Variants in GPC6 observed in about 807,000 individuals in gnomAD.
GPC6 encodes glypican-6.
Under a neutral mutation model 55.2 loss-of-function variants are expected in GPC6, and 14 were observed. That is an observed-to-expected ratio of 0.25 (90% confidence interval 0.17 to 0.40). The LOEUF is 0.40. Ranked by LOEUF, GPC6 falls within the 10% of genes least tolerant of loss-of-function variation. The pLI is 1.00. For synonymous variants in GPC6, 278 were observed against 259.6 expected, an observed-to-expected ratio of 1.07 and a Z score of -0.68; for missense variants, 641 against 708.5, an observed-to-expected ratio of 0.90 and a Z score of 1.08.
In GPC6 at chr13:93,775,869, A is replaced by G. The variant is rs181514820; in HGVS notation, c.320-54285A>G. Among the ~76,000 whole-genome samples, 115 of 152,294 alleles carry G rather than the reference A, an allele frequency of 7.6e-4. No homozygotes were observed. In the Middle Eastern group the frequency reaches 0.014, roughly 18 times the overall value. ...CTTAGAGATATAGTGCTGTCAGAAA[A>G]TAATTCTCTGAAAAGTCACAAAATT... On this transcript the variant is annotated intron_variant, in intron 2 of 8. Coordinates refer to ENST00000377047, the MANE Select transcript of GPC6 (RefSeq NM_005708.5).
At chr13:93,415,174 G>A (rs1876651953) in intron 1 of GPC6, among the ~76,000 whole-genome samples, 1 of 152,036 alleles carries the variant, frequency 6.6e-6, no homozygotes, top group Non-Finnish European at 1.5e-5. Context: ...TGTACAGTGG[G>A]GATTATAATG....
intron 4 of GPC6, among the ~76,000 whole-genome samples, chr13:94,136,492 C>T (rs1258305338): frequency 6.6e-6 from 1 of 152,146 alleles, no homozygotes; most frequent in African/African-American, 2.4e-5. Flanking sequence ...AGGCAGATCA[C>T]GAGGTCAGGA....
At chr13:94,249,276 A>G (rs764431319) in intron 4 of GPC6, among the ~76,000 whole-genome samples, 3 of 152,176 alleles carry the variant, frequency 2.0e-5, no homozygotes, top group Non-Finnish European at 2.9e-5. Context: ...TGATAACAAT[A>G]GAGTGTAATC....
At chr13:93,816,347 C>T (rs1371121256) in intron 2 of GPC6, among the ~76,000 whole-genome samples, 2 of 152,138 alleles carry the variant, frequency 1.3e-5, no homozygotes, top group Non-Finnish European at 2.9e-5. Context: ...ATTTTATAGA[C>T]AGCACGCTGT....
At chr13:94,045,281 G>C (rs1394779594) in intron 4 of GPC6, among the ~76,000 whole-genome samples, 1 of 151,748 alleles carries the variant, frequency 6.6e-6, no homozygotes, top group Non-Finnish European at 1.5e-5. Flanking sequence ...AAGCAAGTAG[G>C]ATATTGAAAA....
intron 2 of GPC6, among the ~76,000 whole-genome samples, chr13:93,625,694 CAAA>C (rs2139563780): frequency 6.6e-6 from 1 of 152,290 alleles, no homozygotes; most frequent in East Asian, 1.9e-4. Context: ...GGCCCCAGGC[CAAA>C]ATGCTTGGGA....
chr13:94,132,182 A>G (rs752080725), intron 4 of GPC6, among the ~76,000 whole-genome samples: 3 of 152,180 alleles, frequency 2.0e-5, no homozygotes, highest in Non-Finnish European at 4.4e-5. Context: ...GAGCAAAGCT[A>G]CCACAGAATT....
At chr13:94,266,160 T>TTGTTTG (rs548781072) in intron 4 of GPC6, among the ~76,000 whole-genome samples, 30 of 148,114 alleles carry the variant, frequency 2.0e-4, no homozygotes, top group African/African-American at 5.3e-4. Flanking sequence ...TCTTTTTTTT[T>TTGTTTG]TTTGTTTGTT....
At chr13:93,978,922 A>G (rs150164100) in intron 3 of GPC6, among the ~76,000 whole-genome samples, 2 of 152,328 alleles carry the variant, frequency 1.3e-5, no homozygotes, top group African/African-American at 2.4e-5. Context: ...ACAGTGCCCT[A>G]TGAATAATGG....
intron 1 of GPC6, among the ~76,000 whole-genome samples, chr13:93,286,995 G>A (rs1878151037): frequency 6.6e-6 from 1 of 152,010 alleles, no homozygotes; most frequent in African/African-American, 2.4e-5. Context: ...CACAAACGTT[G>A]TTTCATGCAC....
chr13:93,746,744 C>T (rs1884412992), intron 2 of GPC6, among the ~76,000 whole-genome samples: 1 of 152,152 alleles, frequency 6.6e-6, no homozygotes, highest in African/African-American at 2.4e-5. Flanking sequence ...CACAACCAAA[C>T]TCATTTAACC....
intron 3 of GPC6, among the ~76,000 whole-genome samples, chr13:93,940,056 C>G (rs1259133690): frequency 6.6e-6 from 1 of 151,960 alleles, no homozygotes; most frequent in East Asian, 1.9e-4. Context: ...GTCTTTAATC[C>G]TTATTCTGAG....
At chr13:93,341,013 A>G (rs574010376) in intron 1 of GPC6, among the ~76,000 whole-genome samples, 2 of 152,262 alleles carry the variant, frequency 1.3e-5, no homozygotes, top group Non-Finnish European at 2.9e-5. Flanking sequence ...ATATTTGGTT[A>G]TTCATTCCTG....
At chr13:93,763,202 C>T (rs1220416913) in intron 2 of GPC6, among the ~76,000 whole-genome samples, 1 of 152,188 alleles carries the variant, frequency 6.6e-6, no homozygotes, top group Non-Finnish European at 1.5e-5. Flanking sequence ...GGTAGACACT[C>T]TGAAGGTCAT....
chr13:94,105,429 A>G (rs1452946376), intron 4 of GPC6, among the ~76,000 whole-genome samples: 1 of 152,214 alleles, frequency 6.6e-6, no homozygotes, highest in African/African-American at 2.4e-5. Context: ...TTAGCATAAT[A>G]CCATTTACAT....
In GPC6 at chr13:93,479,615, C is replaced by CCCT. The variant is rs1555303838; in HGVS notation, c.161-65646_161-65645insTCC. Among the ~76,000 whole-genome samples the CCCT allele has an allele frequency of 2.0e-3, 299 of 151,710 alleles. 2 individuals carry two copies. Among genetic ancestry groups the CCCT allele is most frequent in the African/African-American group, 5.9e-3 (242 of 41,312 alleles). On this transcript the variant is annotated intron_variant, in intron 1 of 8. Coordinates refer to ENST00000377047, the MANE Select transcript of GPC6 (RefSeq NM_005708.5). ...CCCAGCCAACGTGGTGAGACCCCCCCCCATCTCTACTAAAAATAAAAAAAT... is the reference window on the plus strand; with the variant it reads ...CCCAGCCAACGTGGTGAGACCCCCCCCCTCCATCTCTACTAAAAATAAAAAAAT...
At chr13:94,128,388 G>C (rs141857317) in intron 4 of GPC6, among the ~76,000 whole-genome samples, 207 of 152,292 alleles carry the variant, frequency 1.4e-3, no homozygotes, top group African/African-American at 4.7e-3. Flanking sequence ...GGATAAGCTA[G>C]TTGTATTGTG....
At chr13:93,414,249 T>G (rs1310403233) in intron 1 of GPC6, among the ~76,000 whole-genome samples, 1 of 152,134 alleles carries the variant, frequency 6.6e-6, no homozygotes, top group African/African-American at 2.4e-5. Flanking sequence ...GCTTCTCAAT[T>G]TCCCTAACCC....
At chr13:94,159,035 G>C (rs911075767) in intron 4 of GPC6, among the ~76,000 whole-genome samples, 5 of 151,990 alleles carry the variant, frequency 3.3e-5, no homozygotes, top group African/African-American at 1.2e-4. Context: ...CCTCCGACCT[G>C]GCATGTATAA....
Sources: allele counts gnomAD v4.1 joint callset (sites outside exome capture counted in the v4.1 genomes callset), GRCh38; gene constraint gnomAD v4.1.1; transcripts MANE v1.5; gene names NCBI Gene and HGNC (gene_info 2026-07-23, HGNC 2026-07-21).